The following GPC6 variants were observed in gnomAD, a reference collection of about 807,000 sequenced individuals.
The protein encoded by GPC6 is glypican 6, also known as glypican-6.
Under a neutral mutation model 55.2 loss-of-function variants are expected in GPC6, and 14 were observed. That is an observed-to-expected ratio of 0.25 (90% confidence interval 0.17 to 0.40). The LOEUF is 0.40. Ranked by LOEUF, GPC6 falls within the 10% of genes least tolerant of loss-of-function variation. The pLI is 1.00. For synonymous variants in GPC6, 278 were observed against 259.6 expected (o/e 1.07, Z -0.68); for missense variants, 641 against 708.5 (o/e 0.90, Z 1.08).
chr13:93,480,003 A>G (rs1488471558), intron 1 of GPC6, among the ~76,000 whole-genome samples: 1 of 152,194 alleles, frequency 6.6e-6, no homozygotes, highest in African/African-American at 2.4e-5. Context: ...CAAAGGCAAG[A>G]TAAGAGTTGC....
At chr13:94,013,731 C>T (rs1272906357) in intron 3 of GPC6, among the ~76,000 whole-genome samples, 4 of 152,222 alleles carry the variant, frequency 2.6e-5, no homozygotes, top group African/African-American at 4.8e-5. Flanking sequence ...CAAGTGCTAA[C>T]ATAGGACTGG....
intron 4 of GPC6, among the ~76,000 whole-genome samples, chr13:94,199,897 C>CTACAGG (rs1889697930): frequency 1.3e-5 from 2 of 152,158 alleles, no homozygotes; most frequent in African/African-American, 4.8e-5. Flanking sequence ...TGGCTTACAC[C>CTACAGG]TGTAATCCCA....
chr13:93,391,908 G>A (rs1566332562), intron 1 of GPC6, among the ~76,000 whole-genome samples: 1 of 152,192 alleles, frequency 6.6e-6, no homozygotes, highest in South Asian at 2.1e-4. Flanking sequence ...AGGATGGGGG[G>A]TTATTGAACG....
intron 4 of GPC6, among the ~76,000 whole-genome samples, chr13:94,043,796 C>T (rs1436719830): frequency 6.6e-6 from 1 of 151,724 alleles, no homozygotes; most frequent in Non-Finnish European, 1.5e-5. Flanking sequence ...CCAGCGAGAG[C>T]ACAGTATTTC....
chr13:93,227,649 A>G lies in GPC6; in HGVS notation c.160+33A>G. 6.4e-7 allele frequency: 1 copy of G among 1,551,196 alleles called. No homozygotes were observed. Among genetic ancestry groups the G allele is most frequent in the Non-Finnish European group, 8.7e-7 (1 of 1,148,168 alleles). ...CGGGCGCGCTGCAGGGGCAGGCTGC[A>G]GCCCTCGGCTGCCGCACGTCCCACT... On this transcript the variant is annotated intron_variant, in intron 1 of 8. Coordinates refer to ENST00000377047, the MANE Select transcript of GPC6 (RefSeq NM_005708.5). This position sits in a 1 kb window ranked among gnomAD's most constrained non-coding sequence, Gnocchi z 4.3.
intron 1 of GPC6, among the ~76,000 whole-genome samples, chr13:93,539,249 T>C (rs915759578): frequency 4.6e-5 from 7 of 152,320 alleles, no homozygotes; most frequent in Admixed American, 1.3e-4. Flanking sequence ...CTAGGGTCTT[T>C]AGCTCTAGAA....
At chr13:93,332,908 C>G (rs1480396955) in intron 1 of GPC6, among the ~76,000 whole-genome samples, 1 of 152,078 alleles carries the variant, frequency 6.6e-6, no homozygotes, top group African/African-American at 2.4e-5. Flanking sequence ...GGGTTTCATT[C>G]TTTTGCATAT....
At chr13:93,937,605 G>A (rs1205903484) in intron 3 of GPC6, among the ~76,000 whole-genome samples, 3 of 151,996 alleles carry the variant, frequency 2.0e-5, no homozygotes, top group African/African-American at 7.3e-5. Flanking sequence ...TTGACATGGA[G>A]TCTCGCTCTG....
rs1358746004 is a variant in GPC6 at position 93,537,880 on chromosome 13, AT to A, written c.161-7382del. On this transcript the variant is annotated intron_variant, in intron 1 of 8. Coordinates refer to ENST00000377047, the MANE Select transcript of GPC6 (RefSeq NM_005708.5). Reference sequence around the variant, plus strand: ...ATATTAATGTAATTGTTACTTAGATATCACACTAGAAATATGAAATTAAAAT... The same window carrying A: ...ATATTAATGTAATTGTTACTTAGATACACACTAGAAATATGAAATTAAAAT... 1.1e-3 allele frequency among the ~76,000 whole-genome samples: 164 copies of A among 151,278 alleles called. 1 individual carries two copies. The highest frequency in any genetic ancestry group is 3.9e-3 in the African/African-American group (160 of 40,592).
At chr13:94,356,479 CT>C (rs1309390127) in intron 6 of GPC6, among the ~76,000 whole-genome samples, 7 of 152,214 alleles carry the variant, frequency 4.6e-5, no homozygotes, top group African/African-American at 1.7e-4. Flanking sequence ...CTTTTGTTCA[CT>C]ACTTCATCCC....
At chr13:93,463,246 A>G (rs1354993263) in intron 1 of GPC6, among the ~76,000 whole-genome samples, 4 of 152,214 alleles carry the variant, frequency 2.6e-5, no homozygotes, top group Non-Finnish European at 5.9e-5. Flanking sequence ...TTTATTAGGT[A>G]GCCACAGTAT....
chr13:93,811,441 A>C (rs190816510), intron 2 of GPC6, among the ~76,000 whole-genome samples: 1 of 152,328 alleles, frequency 6.6e-6, no homozygotes, highest in East Asian at 1.9e-4. Flanking sequence ...CTGGTCATTG[A>C]CAAGCTTGCA....
At chr13:93,765,930 C>T (rs984619630) in intron 2 of GPC6, among the ~76,000 whole-genome samples, 2 of 152,108 alleles carry the variant, frequency 1.3e-5, no homozygotes, top group African/African-American at 2.4e-5. Context: ...AGCTGTTAGC[C>T]CAAATGCAAC....
At chr13:93,576,575 T>C (rs1347601231) in intron 2 of GPC6, among the ~76,000 whole-genome samples, 8 of 152,158 alleles carry the variant, frequency 5.3e-5, no homozygotes, top group Non-Finnish European at 5.9e-5. Flanking sequence ...CTATCTTGGT[T>C]GATTGAAATT....
At chr13:93,765,964 AC>A (rs1411788440) in intron 2 of GPC6, among the ~76,000 whole-genome samples, 1 of 152,206 alleles carries the variant, frequency 6.6e-6, no homozygotes, top group Non-Finnish European at 1.5e-5. Context: ...TTAGTACATT[AC>A]GTCAATGACA....
At chr13:94,012,208 T>C (rs1882273668) in intron 3 of GPC6, among the ~76,000 whole-genome samples, 2 of 152,238 alleles carry the variant, frequency 1.3e-5, no homozygotes, top group African/African-American at 4.8e-5. Context: ...AGCCAACTGA[T>C]TACAGCATTA....
intron 2 of GPC6, among the ~76,000 whole-genome samples, chr13:93,788,038 A>G (rs1001374571): frequency 1.3e-5 from 2 of 152,224 alleles, no homozygotes; most frequent in Non-Finnish European, 2.9e-5. Context: ...TCTAGTAAGT[A>G]ACAATGGAGT....
intron 4 of GPC6, among the ~76,000 whole-genome samples, chr13:94,089,379 G>T (rs7322599): frequency 0.79 from 119,897 of 151,526 alleles, 47,758 homozygotes; most frequent in South Asian, 0.88. Context: ...ATGCAAGGCT[G>T]CTCATAACCT....
intron 1 of GPC6, among the ~76,000 whole-genome samples, chr13:93,533,330 T>C (rs569880649): frequency 6.6e-6 from 1 of 152,312 alleles, no homozygotes; most frequent in African/African-American, 2.4e-5. Flanking sequence ...AGCTAAATTC[T>C]AAAGTATTCT....
Sources: allele counts gnomAD v4.1 joint callset (sites outside exome capture counted in the v4.1 genomes callset), GRCh38; gene constraint gnomAD v4.1.1; non-coding constraint Gnocchi (gnomAD v3.1); transcripts MANE v1.5; gene names NCBI Gene and HGNC (gene_info 2026-07-23, HGNC 2026-07-21).